Variants in DCK observed in about 807,000 individuals in gnomAD.
The protein encoded by DCK is deoxyadenosine kinase.
Under a neutral mutation model 38.3 loss-of-function variants are expected in DCK, and 23 were observed. The observed-to-expected ratio is 0.60, with a 90% CI of 0.43 to 0.85. The LOEUF (loss-of-function observed/expected upper bound fraction) is 0.85. Among genes scored for constraint, DCK ranks in the 40% least tolerant of loss-of-function variants. The pLI is 0.00. For missense variants in DCK, 259 were observed against 304.4 expected (o/e 0.85, Z 1.11); for synonymous variants, 108 against 100.6 (o/e 1.07, Z -0.44).
intron 2 of DCK, among the ~76,000 whole-genome samples, chr4:71,010,674 A>T (rs1279542886): frequency 1.4e-5 from 2 of 147,648 alleles, no homozygotes; most frequent in Non-Finnish European, 3.0e-5. Flanking sequence ...AGTTATATAT[A>T]ATATAAAAAT....
intron 2 of DCK, among the ~76,000 whole-genome samples, chr4:71,009,722 T>C (rs946675724): frequency 2.6e-5 from 4 of 152,138 alleles, no homozygotes; most frequent in Admixed American, 2.0e-4. Flanking sequence ...CTTTTTTGTG[T>C]GTATTGGGGA....
chr4:71,008,954 C>G (rs770668515), intron 2 of DCK, among the ~76,000 whole-genome samples: 1 of 151,942 alleles, frequency 6.6e-6, no homozygotes, highest in Non-Finnish European at 1.5e-5. Context: ...AAATAGATAA[C>G]AATAACTGGG....
At chr4:71,018,122 A>ATTTTT (rs1553943360) in intron 2 of DCK, among the ~76,000 whole-genome samples, 1 of 106,934 alleles carries the variant, frequency 9.4e-6, no homozygotes, top group Admixed American at 1.3e-4. Flanking sequence ...ATTCTAGATT[A>ATTTTT]TTTCTTTTTT....
intron 2 of DCK, among the ~76,000 whole-genome samples, chr4:71,019,012 A>G (rs1740342835): frequency 6.6e-6 from 1 of 152,170 alleles, no homozygotes; most frequent in Admixed American, 6.5e-5. Context: ...AATTGCATAC[A>G]AAAAACCCTA....
chr4:70,995,371 G>C (rs939989167), intron 1 of DCK, among the ~76,000 whole-genome samples: 1 of 152,192 alleles, frequency 6.6e-6, no homozygotes, highest in Admixed American at 6.5e-5. Flanking sequence ...AGGATCACTT[G>C]AGTCCAGGAG....
chr4:71,006,301 A>G (rs1333188574), intron 2 of DCK: 13 of 955,556 alleles, frequency 1.4e-5, no homozygotes, highest in Non-Finnish European at 1.6e-5. Flanking sequence ...ACCGTTCTGC[A>G]CTGCAAATGA....
intron 1 of DCK, among the ~76,000 whole-genome samples, chr4:70,997,182 T>C (rs1293597421): frequency 6.6e-6 from 1 of 152,188 alleles, no homozygotes; most frequent in Admixed American, 6.5e-5. Flanking sequence ...GGATGCCTAA[T>C]TTTTTTATTT....
chr4:71,016,651 T>G (rs1303774629), intron 2 of DCK, among the ~76,000 whole-genome samples: 1 of 152,150 alleles, frequency 6.6e-6, no homozygotes, highest in Non-Finnish European at 1.5e-5. Context: ...CCATCTGATC[T>G]TTGACAAACC....
intron 2 of DCK, among the ~76,000 whole-genome samples, chr4:71,011,240 T>C (rs1161445348): frequency 6.8e-6 from 1 of 147,874 alleles, no homozygotes; most frequent in Non-Finnish European, 1.5e-5. Flanking sequence ...CTCTTTTTTT[T>C]TTTTTTTTTT....
intron 2 of DCK, 25 bp downstream of exon 2, chr4:70,998,207 T>G: frequency 8.5e-7 from 1 of 1,182,272 alleles, no homozygotes; most frequent in Non-Finnish European, 1.2e-6. Context: ...TTTAAGTAGA[T>G]AAAAGCCTCT....
intron 3 of DCK, among the ~76,000 whole-genome samples, chr4:71,022,991 A>G (rs1740466643): frequency 6.6e-6 from 1 of 152,156 alleles, no homozygotes. Context: ...GAGGTTCTCA[A>G]ACATTTGATC....
rs187574306 is a variant in DCK, at chr4:71,007,074, T to C, written c.207+8892T>C. On this transcript the variant is annotated intron_variant, in intron 2 of 6. Coordinates refer to ENST00000286648, the MANE Select transcript of DCK (RefSeq NM_000788.3). ...AAAATACTTTTTCATACACCTTCTA[T>C]TTGCCAGGCATAGCTAACTTTAGAC... Among the ~76,000 whole-genome samples, 8 of 152,290 alleles carry C rather than the reference T, an allele frequency of 5.3e-5. 1 individual carries two copies. Among genetic ancestry groups the C allele is most frequent in the Admixed American group, 4.6e-4 (7 of 15,298 alleles).
intron 2 of DCK, among the ~76,000 whole-genome samples, chr4:71,014,572 T>G (rs537674021): frequency 8.6e-6 from 1 of 115,774 alleles, no homozygotes; most frequent in Admixed American, 1.1e-4. Flanking sequence ...AAACTGTCTC[T>G]CAGACCACAG....
intron 2 of DCK, among the ~76,000 whole-genome samples, chr4:70,998,984 TAAGTA>T (rs940309253): frequency 2.0e-5 from 3 of 152,134 alleles, no homozygotes; most frequent in African/African-American, 7.2e-5. Context: ...TTATGCACTT[TAAGTA>T]AAGTATAAAA....
chr4:71,012,511 C>T (rs900475025), intron 2 of DCK, among the ~76,000 whole-genome samples: 1 of 152,214 alleles, frequency 6.6e-6, no homozygotes, highest in Non-Finnish European at 1.5e-5. Context: ...CTGAGAGGCA[C>T]CCCCCAGTAG....
At position 71,029,286 on chromosome 4, in the gene DCK, G is replaced by A. The variant is rs115663298; in HGVS notation, c.757-66G>A. On this transcript the variant is annotated intron_variant, in intron 6 of 6. Transcript: ENST00000286648. ...CAACTATTATATACTTTTAAATGAA[G>A]ATGAATATTAGATACCTCAAATTAG... is the stretch of plus-strand genomic sequence containing the variant. The A allele has an allele frequency of 1.8e-3, 1,891 of 1,050,834 alleles. 26 individuals are homozygous for A. In the African/African-American group the frequency reaches 0.028, roughly 15 times the overall value. 65.1% of individuals were successfully genotyped at this position (1,050,834 alleles called of 1,614,324 possible).
intron 4 of DCK, among the ~76,000 whole-genome samples, chr4:71,025,126 C>A (rs2148919744): frequency 6.6e-6 from 1 of 152,060 alleles, no homozygotes; most frequent in African/African-American, 2.4e-5. Context: ...TATATGAGCC[C>A]CCACAAATTA....
intron 2 of DCK, 103 bp downstream of exon 2, chr4:70,998,285 G>C: frequency 1.8e-6 from 1 of 543,018 alleles, no homozygotes; most frequent in Non-Finnish European, 3.2e-6. Context: ...TTCAAATCTC[G>C]CTTTAGGTAT....
chr4:71,020,424 C>T (rs749402631), intron 2 of DCK, among the ~76,000 whole-genome samples: 4 of 152,192 alleles, frequency 2.6e-5, no homozygotes, highest in African/African-American at 9.7e-5. Context: ...TCCCAATTAA[C>T]TTTTCTCTAA....
Sources: gnomAD v4.1 joint callset for allele counts (sites outside exome capture counted in the v4.1 genomes callset) on GRCh38, gnomAD v4.1.1 for gene constraint, MANE v1.5 for transcripts, NCBI Gene and HGNC (gene_info 2026-07-23, HGNC 2026-07-21) for gene names.